The following RNF4 variants were observed in gnomAD, a reference collection of about 807,000 sequenced individuals.
RNF4 encodes E3 ubiquitin-protein ligase RNF4.
In RNF4, 7 loss-of-function variants were observed where a neutral mutation model predicts 24.3. That is an observed-to-expected ratio of 0.29 (90% CI 0.16 to 0.54). The LOEUF is 0.54. Among genes scored for constraint, RNF4 ranks in the 20% least tolerant of loss-of-function variants. RNF4 has a pLI of 0.95. For missense variants in RNF4, 209 were observed against 248.5 expected (o/e 0.84, Z 1.07); for synonymous variants, 83 against 84.3 (o/e 0.98, Z 0.09).
At position 2,515,569 on chromosome 4, in the gene RNF4, T is replaced by C. The variant is rs185784678; in HGVS notation, c.*1750T>C. The C allele has an allele frequency of 6.6e-5, 10 of 152,476 alleles. No homozygotes were observed. The highest frequency in any genetic ancestry group is 6.5e-4 in the Admixed American group (10 of 15,298). The allele number at this position is 152,476 out of a possible 1,614,324, so 9.4% of individuals were successfully genotyped here. Reference sequence around the variant, plus strand: ...CTCATAAAATATGGTAACACCCATTTTAAAATTTAAGTTTTGTCCTTAAAG... The same window carrying C: ...CTCATAAAATATGGTAACACCCATTCTAAAATTTAAGTTTTGTCCTTAAAG... On this transcript the variant is annotated 3_prime_UTR_variant, in exon 8 of 8. Coordinates refer to ENST00000314289, the MANE Select transcript of RNF4 (RefSeq NM_002938.5).
chr4:2,485,972 C>T (rs1047605769), intron 1 of RNF4, among the ~76,000 whole-genome samples: 3 of 152,144 alleles, frequency 2.0e-5, no homozygotes, highest in Non-Finnish European at 4.4e-5. Context: ...CGTCAGTGTT[C>T]CCGCTAGTTT....
At chr4:2,474,512 A>G (rs1735008629) in intron 1 of RNF4, among the ~76,000 whole-genome samples, 1 of 152,202 alleles carries the variant, frequency 6.6e-6, no homozygotes, top group South Asian at 2.1e-4. Context: ...GGTGGAATTT[A>G]CTGCTGAAGG....
At chr4:2,495,811 T>C (rs537122228) in intron 2 of RNF4, among the ~76,000 whole-genome samples, 6 of 152,236 alleles carry the variant, frequency 3.9e-5, no homozygotes, top group Non-Finnish European at 5.9e-5. Flanking sequence ...TTTGTATTTT[T>C]AGTAGAGACG....
chr4:2,475,889 C>T (rs1735056019), intron 1 of RNF4, among the ~76,000 whole-genome samples: 1 of 152,192 alleles, frequency 6.6e-6, no homozygotes, highest in African/African-American at 2.4e-5. Context: ...CTTCACCCCA[C>T]CCCTGACTCC....
chr4:2,470,610 A>G (rs1428017663), intron 1 of RNF4, among the ~76,000 whole-genome samples: 1 of 152,152 alleles, frequency 6.6e-6, no homozygotes, highest in African/African-American at 2.4e-5. Flanking sequence ...TACGTAAACT[A>G]TTTCTTTTTA....
chr4:2,473,724 T>A (rs1197229221), intron 1 of RNF4, among the ~76,000 whole-genome samples: 1 of 151,544 alleles, frequency 6.6e-6, no homozygotes, highest in Non-Finnish European at 1.5e-5. Context: ...GGCAGAGAAT[T>A]GCTTAAACCT....
chr4:2,482,023 A>G (rs1266037483), intron 1 of RNF4, among the ~76,000 whole-genome samples: 1 of 152,202 alleles, frequency 6.6e-6, no homozygotes, highest in African/African-American at 2.4e-5. Context: ...CTCCACCAAG[A>G]TGCAAGCCCC....
chr4:2,501,006 G>T (rs1735894375), intron 4 of RNF4, among the ~76,000 whole-genome samples: 1 of 152,236 alleles, frequency 6.6e-6, no homozygotes, highest in Non-Finnish European at 1.5e-5. Flanking sequence ...TATGGAGTAG[G>T]TCTGTGTAAC....
intron 1 of RNF4, among the ~76,000 whole-genome samples, chr4:2,484,178 T>G (rs1735336450): frequency 6.6e-6 from 1 of 150,670 alleles, no homozygotes; most frequent in Non-Finnish European, 1.5e-5. Flanking sequence ...GCCTCCCAGG[T>G]GGGGTTTGAG....
chr4:2,490,712 G>A (rs1175084296), intron 2 of RNF4: 1 of 509,898 alleles, frequency 2.0e-6, no homozygotes, highest in African/African-American at 1.9e-5. Context: ...GAGCCCTGAA[G>A]ACAAAAGGCT....
intron 1 of RNF4, among the ~76,000 whole-genome samples, chr4:2,482,730 G>T (rs1054134067): frequency 6.6e-6 from 1 of 152,208 alleles, no homozygotes; most frequent in Non-Finnish European, 1.5e-5. Flanking sequence ...GCCTCTCTGA[G>T]CATAGTCTGC....
Position 2,512,813 on chromosome 4 carries a change from A to G in RNF4, c.374+216A>G, listed in dbSNP as rs1293128695. Among the ~76,000 whole-genome samples, 1 of 152,170 alleles carries G rather than the reference A, an allele frequency of 6.6e-6. No individual in the cohort carries two copies. The highest frequency in any genetic ancestry group is 1.5e-5 in the Non-Finnish European group (1 of 68,014). ...AAGCGCTGACACAGTGTGTGCAGAC[A>G]GTCCCAGTGGCCCCAGACAGGGATC... On this transcript the variant is annotated intron_variant, in intron 6 of 7. Coordinates refer to ENST00000314289, the MANE Select transcript of RNF4 (RefSeq NM_002938.5). This position sits in a 1 kb window ranked among gnomAD's most constrained non-coding sequence, Gnocchi z 4.1.
chr4:2,479,413 C>T lies in RNF4; in HGVS notation c.-158+10155C>T, dbSNP rs571659167. On this transcript the variant is annotated intron_variant, in intron 1 of 7. Transcript: ENST00000314289. ...AATGATATGGTTTGGCTGTGTCCCC[C>T]ACCCAGATCTCATCTTGAATTTCCA... Among the ~76,000 whole-genome samples the T allele has an allele frequency of 7.2e-5, 11 of 152,278 alleles. No individual in the cohort carries two copies. In the South Asian group the frequency reaches 2.1e-3, roughly 29 times the overall value.
At chr4:2,476,704 C>CTTT (rs72435381) in intron 1 of RNF4, among the ~76,000 whole-genome samples, 2 of 136,552 alleles carry the variant, frequency 1.5e-5, no homozygotes, top group Non-Finnish European at 3.2e-5. Context: ...TTCTTTCTTT[C>CTTT]TTTTTTTTTT....
At chr4:2,511,114 C>CTTT (rs1736261239) in intron 4 of RNF4, among the ~76,000 whole-genome samples, 2 of 152,364 alleles carry the variant, frequency 1.3e-5, no homozygotes, top group South Asian at 4.1e-4. Context: ...CTAGTGCTGT[C>CTTT]TAAATGTTCA....
At chr4:2,496,453 C>T (rs762083330) in intron 2 of RNF4, among the ~76,000 whole-genome samples, 9 of 152,068 alleles carry the variant, frequency 5.9e-5, no homozygotes, top group Non-Finnish European at 1.2e-4. Context: ...GCATCGTGTC[C>T]CTTTTGACCT....
Position 2,513,424 on chromosome 4 carries a change from A to G in RNF4, c.424-246A>G, listed in dbSNP as rs146628973. Among the ~76,000 whole-genome samples, 75 of 152,250 alleles carry G rather than the reference A, an allele frequency of 4.9e-4. No homozygotes were observed. In the East Asian group the frequency reaches 0.011, roughly 23 times the overall value. Reference sequence around the variant, plus strand: ...CTCTAACTGAAAGCTGCTAGTGTTTACTGGGGTCCCTCATAACCCTCTTGG... The same window carrying G: ...CTCTAACTGAAAGCTGCTAGTGTTTGCTGGGGTCCCTCATAACCCTCTTGG... On this transcript the variant is annotated intron_variant, in intron 7 of 7. Coordinates refer to ENST00000314289, the MANE Select transcript of RNF4 (RefSeq NM_002938.5).
At chr4:2,493,516 G>T (rs1049339139) in intron 2 of RNF4, among the ~76,000 whole-genome samples, 1 of 151,918 alleles carries the variant, frequency 6.6e-6, no homozygotes, top group African/African-American at 2.4e-5. Flanking sequence ...GGCTGGGCAT[G>T]GTGGATCACA....
intron 1 of RNF4, among the ~76,000 whole-genome samples, chr4:2,483,989 G>A (rs1158718818): frequency 7.5e-6 from 1 of 132,718 alleles, no homozygotes; most frequent in Non-Finnish European, 1.6e-5. Context: ...ACCACACCCA[G>A]CTAATTGTTG....
Sources: allele counts gnomAD v4.1 joint callset (sites outside exome capture counted in the v4.1 genomes callset), GRCh38; gene constraint gnomAD v4.1.1; non-coding constraint Gnocchi (gnomAD v3.1); transcripts MANE v1.5; gene names NCBI Gene and HGNC (gene_info 2026-07-23, HGNC 2026-07-21).